Variants in FAM89A observed in about 807,000 individuals in gnomAD.
FAM89A encodes the protein family with sequence similarity 89 member A.
Under a neutral mutation model 7.1 loss-of-function variants are expected in FAM89A, and 10 were observed. That is an observed-to-expected ratio of 1.40 (90% confidence interval 0.86 to 2.38). The LOEUF (loss-of-function observed/expected upper bound fraction) is 2.38. Among genes scored for constraint, FAM89A ranks in the 30% most tolerant of loss-of-function variants. FAM89A has a pLI of 0.00. For missense variants in FAM89A, 276 were observed against 262.8 expected (o/e 1.05, Z -0.35); for synonymous variants, 157 against 129.3 (o/e 1.21, Z -1.45).
At chr1:231,032,323 C>T (rs1680085724) in intron 1 of FAM89A, among the ~76,000 whole-genome samples, 1 of 51,886 alleles carries the variant, frequency 1.9e-5, no homozygotes, top group South Asian at 7.7e-4. Flanking sequence ...AGAGGTATTA[C>T]CAAACTGCGC....
rs757684226 is a variant in FAM89A at position 231,020,065 on chromosome 1, A to G, written c.353T>C (p.Ile118Thr). The G allele has an allele frequency of 1.2e-6, 2 of 1,614,060 alleles. No homozygotes were observed. The highest frequency in any genetic ancestry group is 2.2e-5 in the South Asian group (2 of 91,078). ...CTGGCATGCCCCCTTGTACTCCTGA[A>G]TCGACTCGTAGAGGCTGTACAGTTG... ...LCQLYSLYES[I>T]QEYKGACQAA... Residue 118 changes from isoleucine to threonine, a missense_variant, in exon 2 of 2, where the codon ATT becomes ACT. By Grantham distance (89) the Ile-to-Thr change is moderately conservative (BLOSUM62 -1). Transcript: ENST00000366654.
intron 1 of FAM89A, among the ~76,000 whole-genome samples, chr1:231,038,534 A>G (rs1198704402): frequency 6.6e-6 from 1 of 152,098 alleles, no homozygotes; most frequent in Non-Finnish European, 1.5e-5. Flanking sequence ...GTGTAGATTT[A>G]TCTAATTAAA....
At chr1:231,023,099 G>A (rs61543356) in intron 1 of FAM89A, among the ~76,000 whole-genome samples, 4,652 of 151,238 alleles carry the variant, frequency 0.031, 110 homozygotes, top group African/African-American at 0.065. Flanking sequence ...ATACTGAGAG[G>A]TGGTGGCAGT....
chr1:231,036,335 C>T (rs753273957), intron 1 of FAM89A, among the ~76,000 whole-genome samples: 2 of 152,084 alleles, frequency 1.3e-5, no homozygotes, highest in African/African-American at 4.8e-5. Flanking sequence ...TCCTATTCAC[C>T]CTTAAACCAT....
At position 231,039,452 on chromosome 1, in the gene FAM89A, T is replaced by C. The variant is rs548960889; in HGVS notation, c.291+469A>G. Among the ~76,000 whole-genome samples the C allele has an allele frequency of 3.0e-4, 46 of 152,134 alleles. 1 individual carries two copies. The highest frequency in any genetic ancestry group is 2.1e-3 in the Admixed American group (32 of 15,298). ...TGGGGCGCCGGAAAGGGGGCCGGGC[T>C]GTTCCAATCTGCTGTCTACACTGGC... is the stretch of plus-strand genomic sequence containing the variant. On this transcript the variant is annotated intron_variant, in intron 1 of 1. Coordinates refer to ENST00000366654, the MANE Select transcript of FAM89A (RefSeq NM_198552.3).
At position 231,019,905 on chromosome 1, in the gene FAM89A, G is replaced by A. The variant is rs1238975500; in HGVS notation, c.513C>T (p.Val171=). 5 of 1,614,090 alleles carry A rather than the reference G, an allele frequency of 3.1e-6. No individual in the cohort carries two copies. In the Admixed American group the frequency reaches 6.7e-5, roughly 22 times the overall value. ...RGPPRDLSLP[V]SSLSSSDWIL... ...TCCAGTCGCTGCTGGAGAGGGAGGA[G>A]ACAGGCAGTGACAAGTCCCGAGGAG... The change falls in exon 2 of 2, where the codon GTC becomes GTT. Residue 171 remains valine, a synonymous_variant. Transcript: ENST00000366654.
chr1:231,035,354 A>T (rs1680143031), intron 1 of FAM89A, among the ~76,000 whole-genome samples: 2 of 152,190 alleles, frequency 1.3e-5, no homozygotes, highest in African/African-American at 4.8e-5. Flanking sequence ...CACAGGTGGG[A>T]GACCAAAATA....
At chr1:231,030,245 C>T (rs11122194) in intron 1 of FAM89A, among the ~76,000 whole-genome samples, 20,667 of 152,192 alleles carry the variant, frequency 0.14, 1,520 homozygotes, top group Middle Eastern at 0.23. Context: ...GACTCTAAAG[C>T]GCCATCAGGA....
chr1:231,031,410 T>C (rs1171918358), intron 1 of FAM89A, among the ~76,000 whole-genome samples: 2 of 152,210 alleles, frequency 1.3e-5, no homozygotes, highest in African/African-American at 2.4e-5. Flanking sequence ...CTCTATTACA[T>C]TAAAACCCAT....
intron 1 of FAM89A, among the ~76,000 whole-genome samples, chr1:231,036,906 A>C (rs951442578): frequency 2.0e-5 from 3 of 151,964 alleles, no homozygotes; most frequent in Non-Finnish European, 4.4e-5. Context: ...ACCCCACTTT[A>C]CCAGTGATTG....
intron 1 of FAM89A, among the ~76,000 whole-genome samples, chr1:231,033,672 C>T (rs988594213): frequency 1.3e-5 from 2 of 152,046 alleles, no homozygotes; most frequent in African/African-American, 4.8e-5. Flanking sequence ...TGAACAGATG[C>T]TTACCTTTAA....
chr1:231,021,066 T>C (rs1679868261), intron 1 of FAM89A, among the ~76,000 whole-genome samples: 1 of 152,148 alleles, frequency 6.6e-6, no homozygotes, highest in African/African-American at 2.4e-5. Flanking sequence ...TCTGATTCAG[T>C]GGGTCTGGGG....
chr1:231,025,218 G>A lies in FAM89A; in HGVS notation c.292-5092C>T, dbSNP rs879923107. 5.9e-5 allele frequency among the ~76,000 whole-genome samples: 9 copies of A among 152,074 alleles called. No homozygotes were observed. In the East Asian group the frequency reaches 9.7e-4, roughly 16 times the overall value. ...ATTACAGGCGTGAGCCACCGTGCCC[G>A]GCCACCACAACTACCCTTGACACCA... On this transcript the variant is annotated intron_variant, in intron 1 of 1. Coordinates refer to ENST00000366654, the MANE Select transcript of FAM89A (RefSeq NM_198552.3).
At chr1:231,030,191 C>T (rs757308709) in intron 1 of FAM89A, among the ~76,000 whole-genome samples, 1 of 152,198 alleles carries the variant, frequency 6.6e-6, no homozygotes, top group Non-Finnish European at 1.5e-5. Flanking sequence ...ATCTGGTCAG[C>T]TTCATCTCCT....
intron 1 of FAM89A, among the ~76,000 whole-genome samples, chr1:231,037,085 A>T (rs532467568): frequency 6.6e-6 from 1 of 152,316 alleles, no homozygotes; most frequent in South Asian, 2.1e-4. Context: ...TGTGTGTGTG[A>T]GAGTGCATGC....
intron 1 of FAM89A, among the ~76,000 whole-genome samples, chr1:231,023,407 G>A (rs552570123): frequency 4.6e-5 from 7 of 152,288 alleles, no homozygotes; most frequent in South Asian, 2.1e-4. Flanking sequence ...AGGGCCTGGC[G>A]GTGGCTAACG....
intron 1 of FAM89A, chr1:231,028,519 C>G (rs945426103): frequency 2.6e-5 from 4 of 152,186 alleles, no homozygotes; most frequent in African/African-American, 9.7e-5. Context: ...GCAGAAGCAG[C>G]CTGGATCTCA....
At chr1:231,035,281 A>G (rs1445843191) in intron 1 of FAM89A, among the ~76,000 whole-genome samples, 2 of 152,192 alleles carry the variant, frequency 1.3e-5, no homozygotes, top group East Asian at 3.8e-4. Context: ...CTTAGGTTCA[A>G]TTCTTTACAC....
rs745727197 is a variant in FAM89A, at chr1:231,040,016, G to A, written c.196C>T (p.Arg66Cys). Residue 66 changes from arginine (R) to cysteine (C), a missense_variant, in exon 1 of 2, where the codon CGC (arginine) becomes TGC (cysteine). Coordinates refer to ENST00000366654, the MANE Select transcript of FAM89A (RefSeq NM_198552.3). ...QKSRIQDELS[R>C]GGPGGGGARA... ...GCCCCGCCGCCGCCCGGGCCCCCGC[G>A]GCTCAGCTCGTCCTGGATGCGCGAC... 5 of 1,427,064 alleles carry A rather than the reference G, an allele frequency of 3.5e-6. No homozygotes were observed. In the South Asian group the frequency reaches 4.3e-5, roughly 12 times the overall value. 88.4% of individuals were successfully genotyped at this position (1,427,064 alleles called of 1,614,324 possible).
Sources: gnomAD v4.1 joint callset for allele counts (sites outside exome capture counted in the v4.1 genomes callset) on GRCh38, gnomAD v4.1.1 for gene constraint, MANE v1.5 for transcripts, NCBI Gene and HGNC (gene_info 2026-07-23, HGNC 2026-07-21) for gene names.